The following SP1 variants were observed in gnomAD, a reference collection of about 807,000 sequenced individuals.
SP1 encodes the protein Sp1 transcription factor.
In SP1, 6 loss-of-function variants were observed where a neutral mutation model predicts 66.3. The observed-to-expected ratio is 0.09, with a 90% CI of 0.05 to 0.18. The LOEUF (loss-of-function observed/expected upper bound fraction) is 0.18, where lower values mean the gene tolerates loss of function less well. Among genes scored for constraint, SP1 ranks in the 10% least tolerant of loss-of-function variants. The probability of loss-of-function intolerance (pLI) is 1.00; values close to 1 mark genes in which losing one functional copy is unlikely to be tolerated. For missense variants in SP1, 848 were observed against 964.5 expected, an observed-to-expected ratio of 0.88 and a Z score of 1.60; for synonymous variants, 417 against 360.8, an observed-to-expected ratio of 1.16 and a Z score of -1.77.
At chr12:53,404,569 T>C (rs973740865) in intron 3 of SP1, among the ~76,000 whole-genome samples, 2 of 152,022 alleles carry the variant, frequency 1.3e-5, no homozygotes, top group African/African-American at 4.8e-5. Flanking sequence ...GAATATTATC[T>C]GTCACTTTTT....
intron 3 of SP1, among the ~76,000 whole-genome samples, chr12:53,403,087 G>T (rs1396309137): frequency 6.6e-6 from 1 of 152,012 alleles, no homozygotes; most frequent in Non-Finnish European, 1.5e-5. Context: ...GGCGGAGGTG[G>T]CAGTGGACCA....
chr12:53,387,300 T>C (rs867133484), intron 3 of SP1, among the ~76,000 whole-genome samples: 8 of 152,218 alleles, frequency 5.3e-5, no homozygotes, highest in African/African-American at 1.9e-4. Flanking sequence ...TTGTTTACTT[T>C]TGTTACCAAG....
chr12:53,380,336 C>G (rs761248633), intron 1 of SP1, 38 bp downstream of exon 1: 1 of 1,431,192 alleles, frequency 7.0e-7, no homozygotes, highest in South Asian at 1.3e-5. Flanking sequence ...GGGTGGGAGG[C>G]GAGTGAGGGG....
At chr12:53,409,011 G>C (rs1592573397) in intron 4 of SP1, among the ~76,000 whole-genome samples, 2 of 152,234 alleles carry the variant, frequency 1.3e-5, no homozygotes, top group South Asian at 2.1e-4. Context: ...CATCACCTGA[G>C]CTCAGGGGTT....
chr12:53,396,295 G>T (rs536126467), intron 3 of SP1, among the ~76,000 whole-genome samples: 1 of 143,892 alleles, frequency 6.9e-6, no homozygotes, highest in Admixed American at 7.0e-5. Flanking sequence ...AAAAGCCAGG[G>T]GCGGTGGCTC....
At chr12:53,380,442 G>A (rs2136883931) in intron 1 of SP1, 144 bp downstream of exon 1, 1 of 675,184 alleles carries the variant, frequency 1.5e-6, no homozygotes, top group Non-Finnish European at 2.1e-6. Context: ...GGGGCGGAGG[G>A]AAGGGAGGGA....
At chr12:53,407,958 G>C (rs1189136155) in intron 4 of SP1, among the ~76,000 whole-genome samples, 1 of 137,786 alleles carries the variant, frequency 7.3e-6, no homozygotes, top group Non-Finnish European at 1.6e-5. Context: ...TTTTAAGACA[G>C]ATCTTCATCC....
chr12:53,387,148 T>G (rs760524245), intron 3 of SP1, among the ~76,000 whole-genome samples: 18 of 152,048 alleles, frequency 1.2e-4, no homozygotes, highest in Non-Finnish European at 1.8e-4. Context: ...CGATTGGATT[T>G]CACTGTGCTG....
chr12:53,380,563 G>A, intron 1 of SP1: 1 of 749,028 alleles, frequency 1.3e-6, no homozygotes, highest in South Asian at 6.4e-5. Flanking sequence ...CGGGGGACGG[G>A]CCTTACCCCC....
At chr12:53,394,891 G>A (rs1938448741) in intron 3 of SP1, among the ~76,000 whole-genome samples, 1 of 151,912 alleles carries the variant, frequency 6.6e-6, no homozygotes, top group African/African-American at 2.4e-5. Flanking sequence ...CAGGATTACA[G>A]ATGTGAGCCA....
chr12:53,409,858 A>G (rs1399558235), intron 5 of SP1, among the ~76,000 whole-genome samples: 1 of 152,096 alleles, frequency 6.6e-6, no homozygotes, highest in African/African-American at 2.4e-5. Flanking sequence ...ATATACAAAA[A>G]AATTAGCCGG....
intron 3 of SP1, among the ~76,000 whole-genome samples, chr12:53,404,424 C>T (rs1048180060): frequency 5.9e-5 from 9 of 151,786 alleles, no homozygotes; most frequent in African/African-American, 1.9e-4. Flanking sequence ...TGCCTGTAAT[C>T]CCAGCTACTC....
At chr12:53,408,923 A>C (rs1419171935) in intron 4 of SP1, among the ~76,000 whole-genome samples, 1 of 145,084 alleles carries the variant, frequency 6.9e-6, no homozygotes, top group African/African-American at 2.6e-5. Flanking sequence ...ACAAACGAAC[A>C]AAAAAAAGAA....
At chr12:53,387,151 C>T (rs1006644695) in intron 3 of SP1, among the ~76,000 whole-genome samples, 1 of 151,966 alleles carries the variant, frequency 6.6e-6, no homozygotes, top group Non-Finnish European at 1.5e-5. Context: ...TTGGATTTCA[C>T]TGTGCTGGTC....
chr12:53,390,684 A>G (rs150999854), intron 3 of SP1, among the ~76,000 whole-genome samples: 1,991 of 150,780 alleles, frequency 0.013, 34 homozygotes, highest in African/African-American at 0.044. Context: ...TTCCGTCTCA[A>G]AAAAAAAAAA....
chr12:53,402,970 G>GA (rs1242818072), intron 3 of SP1, among the ~76,000 whole-genome samples: 87 of 145,398 alleles, frequency 6.0e-4, no homozygotes, highest in South Asian at 3.7e-3. Flanking sequence ...TTCCATCTCA[G>GA]AAAAAAAAAA....
intron 3 of SP1, among the ~76,000 whole-genome samples, chr12:53,388,748 G>A (rs1385398376): frequency 6.6e-6 from 1 of 152,150 alleles, no homozygotes; most frequent in Non-Finnish European, 1.5e-5. Context: ...GGGAGGCCAA[G>A]GCAGGCAGAT....
At chr12:53,404,534 C>T (rs908321795) in intron 3 of SP1, among the ~76,000 whole-genome samples, 2 of 143,336 alleles carry the variant, frequency 1.4e-5, no homozygotes, top group African/African-American at 5.2e-5. Context: ...AAGAGTGTAA[C>T]TCAGTCTCAA....
rs1178831960 is a variant in SP1 at position 53,382,792 on chromosome 12, A to G, written c.845A>G (p.Gln282Arg). The part of the protein sequence containing the change: ...VSAATLTPSS[Q>R]AVTISSSGSQ... Reference sequence around the variant, plus strand: ...GCAGCTACCTTGACTCCCAGCTCTCAGGCAGTCACGATCAGCAGCTCTGGG... The same window carrying G: ...GCAGCTACCTTGACTCCCAGCTCTCGGGCAGTCACGATCAGCAGCTCTGGG... The change falls in exon 3 of 6, where the codon CAG becomes CGG. Residue 282 changes from glutamine (Q) to arginine (R), a missense_variant. Gln to Arg is a conservative substitution (Grantham distance 43). Transcript: ENST00000327443. 15 of 1,614,050 alleles carry G rather than the reference A, an allele frequency of 9.3e-6. No homozygotes were observed. Among genetic ancestry groups the G allele is most frequent in the African/African-American group, 2.7e-5 (2 of 74,926 alleles).
Sources: gnomAD v4.1 joint callset for allele counts (sites outside exome capture counted in the v4.1 genomes callset) on GRCh38, gnomAD v4.1.1 for gene constraint, MANE v1.5 for transcripts, NCBI Gene and HGNC (gene_info 2026-07-23, HGNC 2026-07-21) for gene names.